Variants in CNTN4 observed in about 807,000 individuals in gnomAD.
The protein encoded by CNTN4 is contactin-4.
CNTN4 carries 77 observed loss-of-function variants against 122.5 expected under a neutral mutation model. That is an observed-to-expected ratio of 0.63 (90% CI 0.52 to 0.76). The LOEUF is 0.76. CNTN4 is among the 30% of genes least tolerant of loss of function. The probability of loss-of-function intolerance (pLI) is 0.00; values close to 1 mark genes in which losing one functional copy is unlikely to be tolerated. For missense variants in CNTN4, 1,256 were observed against 1,259.1 expected (o/e 1.00, Z 0.04); for synonymous variants, 512 against 447.0 (o/e 1.15, Z -1.83).
intron 7 of CNTN4, among the ~76,000 whole-genome samples, chr3:2,827,116 G>T (rs1261903098): frequency 6.6e-6 from 1 of 152,092 alleles, no homozygotes; most frequent in East Asian, 1.9e-4. Flanking sequence ...CATTTGCCTG[G>T]CTGGGTCCTA....
chr3:2,792,886 A>G (rs1350347732), intron 6 of CNTN4, among the ~76,000 whole-genome samples: 1 of 152,258 alleles, frequency 6.6e-6, no homozygotes, highest in Non-Finnish European at 1.5e-5. Context: ...CTCAAATACC[A>G]GTATTTATGG....
At chr3:2,124,470 A>ACACACACC (rs1157832774) in intron 2 of CNTN4, among the ~76,000 whole-genome samples, 2 of 144,476 alleles carry the variant, frequency 1.4e-5, no homozygotes, top group African/African-American at 5.0e-5. Flanking sequence ...ACACACACAC[A>ACACACACC]CACCCCCTTA....
intron 13 of CNTN4, among the ~76,000 whole-genome samples, chr3:2,966,527 G>A (rs1452688316): frequency 1.3e-5 from 2 of 152,138 alleles, no homozygotes; most frequent in African/African-American, 4.8e-5. Flanking sequence ...CGAAAATGTA[G>A]TTAGACAGGA....
chr3:2,418,190 C>G (rs1414535583), intron 3 of CNTN4, among the ~76,000 whole-genome samples: 3 of 151,964 alleles, frequency 2.0e-5, no homozygotes, highest in Non-Finnish European at 4.4e-5. Flanking sequence ...AATAAATATA[C>G]CGCTGGTGAG....
chr3:2,516,011 A>T (rs1215260859), intron 3 of CNTN4, among the ~76,000 whole-genome samples: 1 of 152,102 alleles, frequency 6.6e-6, no homozygotes, highest in African/African-American at 2.4e-5. Context: ...GGATGGGCTC[A>T]TCTTATTTCA....
chr3:2,681,423 G>A (rs2085159110), intron 4 of CNTN4, among the ~76,000 whole-genome samples: 1 of 152,178 alleles, frequency 6.6e-6, no homozygotes. Context: ...ACCTGCCATA[G>A]CAACAGGATC....
At chr3:2,197,283 G>T (rs2037888473) in intron 2 of CNTN4, among the ~76,000 whole-genome samples, 1 of 152,082 alleles carries the variant, frequency 6.6e-6, no homozygotes, top group Non-Finnish European at 1.5e-5. Flanking sequence ...TGTAGTGGAG[G>T]GTGATGGCAC....
intron 2 of CNTN4, among the ~76,000 whole-genome samples, chr3:2,113,942 G>C (rs2033153690): frequency 6.6e-6 from 1 of 152,164 alleles, no homozygotes; most frequent in Non-Finnish European, 1.5e-5. Context: ...CTGAGGTCCT[G>C]CATAGCCAGT....
chr3:2,617,492 C>T (rs925948296), intron 4 of CNTN4, among the ~76,000 whole-genome samples: 1 of 130,258 alleles, frequency 7.7e-6, no homozygotes, highest in Admixed American at 9.9e-5. Flanking sequence ...ATGATCTTGG[C>T]TCACTGCAAC....
At chr3:2,415,535 A>G (rs950444477) in intron 3 of CNTN4, among the ~76,000 whole-genome samples, 1 of 152,220 alleles carries the variant, frequency 6.6e-6, no homozygotes, top group Non-Finnish European at 1.5e-5. Context: ...TTTATAAGAA[A>G]GAAGAAAATG....
intron 3 of CNTN4, among the ~76,000 whole-genome samples, chr3:2,422,946 G>A (rs182538642): frequency 5.8e-4 from 88 of 152,256 alleles, no homozygotes; most frequent in African/African-American, 1.8e-3. Flanking sequence ...GTCTAGTGCC[G>A]AATTTGAATT....
chr3:2,734,176 T>A (rs2088907318), intron 4 of CNTN4, among the ~76,000 whole-genome samples: 1 of 152,064 alleles, frequency 6.6e-6, no homozygotes, highest in Non-Finnish European at 1.5e-5. Context: ...TCCTCCCACC[T>A]CAGCTTCCTG....
At chr3:2,255,225 G>A (rs2040533302) in intron 2 of CNTN4, among the ~76,000 whole-genome samples, 1 of 151,606 alleles carries the variant, frequency 6.6e-6, no homozygotes, top group Non-Finnish European at 1.5e-5. Context: ...TGAGGGCTCT[G>A]TCCTGTTCCA....
chr3:2,368,531 C>T (rs1201975816), intron 3 of CNTN4, among the ~76,000 whole-genome samples: 2 of 152,100 alleles, frequency 1.3e-5, no homozygotes, highest in South Asian at 2.1e-4. Context: ...ACAAATTTAT[C>T]GAGGTTAATA....
At chr3:2,176,226 A>G (rs1359502660) in intron 2 of CNTN4, among the ~76,000 whole-genome samples, 1 of 152,140 alleles carries the variant, frequency 6.6e-6, no homozygotes, top group Non-Finnish European at 1.5e-5. Context: ...TTCACAGGAA[A>G]CGAATGAGTA....
chr3:2,387,688 A>G (rs9869883), intron 3 of CNTN4, among the ~76,000 whole-genome samples: 2,421 of 152,300 alleles, frequency 0.016, 58 homozygotes, highest in African/African-American at 0.056. Flanking sequence ...GCTCTTTTCC[A>G]AAAAGCCAAT....
intron 13 of CNTN4, among the ~76,000 whole-genome samples, chr3:2,982,948 G>A (rs908903811): frequency 1.3e-5 from 2 of 152,056 alleles, no homozygotes; most frequent in African/African-American, 2.4e-5. Context: ...GGGCGCAGTG[G>A]CTCACGCCTG....
chr3:2,888,472 G>A (rs866684031), intron 10 of CNTN4, among the ~76,000 whole-genome samples: 6 of 152,016 alleles, frequency 3.9e-5, no homozygotes, highest in East Asian at 1.9e-4. Context: ...AGGATGTGCC[G>A]TGAGGGGTTT....
chr3:2,926,983 A>G (rs1005893252), intron 13 of CNTN4, among the ~76,000 whole-genome samples: 1 of 152,128 alleles, frequency 6.6e-6, no homozygotes, highest in African/African-American at 2.4e-5. Flanking sequence ...TTTCTGTTTT[A>G]TTTACTTCAG....
Sources: allele counts gnomAD v4.1 joint callset (sites outside exome capture counted in the v4.1 genomes callset), GRCh38; gene constraint gnomAD v4.1.1; transcripts MANE v1.5; gene names NCBI Gene and HGNC (gene_info 2026-07-23, HGNC 2026-07-21).